PBK: variants seen among roughly 807,000 people sequenced by gnomAD.
PBK encodes PDZ binding kinase, also known as lymphokine-activated killer T-cell-originated protein kinase.
A neutral mutation model predicts 33.5 loss-of-function variants in PBK; 22 were observed. That is an observed-to-expected ratio of 0.66 (90% CI 0.47 to 0.94). PBK has a LOEUF of 0.94. PBK is among the 40% of genes least tolerant of loss of function. The pLI is 0.00. For missense variants in PBK, 376 were observed against 383.4 expected (o/e 0.98, Z 0.16); for synonymous variants, 129 against 123.8 (o/e 1.04, Z -0.28).
At chr8:27,813,598 ATATC>A (rs149760959) in intron 6 of PBK, among the ~76,000 whole-genome samples, 23,860 of 151,926 alleles carry the variant, frequency 0.16, 2,367 homozygotes, top group East Asian at 0.36. Context: ...GCTAATTAAC[ATATC>A]TATCACCTCA....
chr8:27,823,218 T>A lies in PBK; in HGVS notation c.153-13A>T, dbSNP rs377215670. On this transcript the variant is annotated splice_polypyrimidine_tract_variant and intron_variant, in intron 3 of 7. Coordinates refer to ENST00000301905, the MANE Select transcript of PBK (RefSeq NM_018492.4). ...ACCTCTTGGAGATCTAAGAAAAAAA[T>A]TCATTTAAAAAGGATAGAAAACAAT... 1 of 1,477,958 alleles carries A rather than the reference T, an allele frequency of 6.8e-7. No individual in the cohort carries two copies. Among genetic ancestry groups the A allele is most frequent in the South Asian group, 1.3e-5 (1 of 79,202 alleles). The allele number at this position is 1,477,958 out of a possible 1,614,324, so 91.6% of individuals were successfully genotyped here.
At chr8:27,820,758 C>T in intron 5 of PBK, 64 bp from the exon 6 acceptor site, 1 of 863,922 alleles carries the variant, frequency 1.2e-6, no homozygotes, top group Non-Finnish European at 1.8e-6. Flanking sequence ...AATGTGATAA[C>T]CTCCAAATAT....
chr8:27,832,939 G>C, intron 2 of PBK, 117 bp downstream of exon 2: 1 of 617,132 alleles, frequency 1.6e-6, no homozygotes, highest in Non-Finnish European at 2.8e-6. Context: ...ATCATAAAGG[G>C]GAGTTACATT....
intron 2 of PBK, 33 bp downstream of exon 2, chr8:27,833,023 G>C: frequency 8.1e-7 from 1 of 1,236,072 alleles, no homozygotes; most frequent in Non-Finnish European, 1.2e-6. Flanking sequence ...AACAACAATA[G>C]TAAAAAAAAA....
At chr8:27,811,720 T>A (rs1270717999) in intron 6 of PBK, among the ~76,000 whole-genome samples, 1 of 152,224 alleles carries the variant, frequency 6.6e-6, no homozygotes, top group African/African-American at 2.4e-5. Context: ...ACTAAATCTC[T>A]GGATCAATTT....
At chr8:27,831,112 G>T (rs995978224) in intron 2 of PBK, among the ~76,000 whole-genome samples, 5 of 152,128 alleles carry the variant, frequency 3.3e-5, no homozygotes, top group African/African-American at 1.2e-4. Flanking sequence ...CACTTGAAAG[G>T]GAGGCCAAGG....
At position 27,812,637 on chromosome 8, in the gene PBK, A is replaced by C. The variant is rs1230678426; in HGVS notation, c.596-1503T>G. The C allele has an allele frequency of 4.6e-5, 7 of 151,632 alleles. No individual in the cohort carries two copies. In the East Asian group the frequency reaches 8.0e-4, roughly 17 times the overall value. 9.4% of individuals were successfully genotyped at this position (151,632 alleles called of 1,614,324 possible). A position where few individuals can be genotyped will look rare whatever the true frequency, so the allele number is the denominator to read the frequency against. On this transcript the variant is annotated intron_variant, in intron 6 of 7. Coordinates refer to ENST00000301905, the MANE Select transcript of PBK (RefSeq NM_018492.4). ...ACAAATTTACAAGAAAAAAAAAAAA[A>C]AAAACATCAAAAAGTGGGCAAAGGA...
At chr8:27,819,614 G>C (rs1219663714) in intron 6 of PBK, among the ~76,000 whole-genome samples, 2 of 151,950 alleles carry the variant, frequency 1.3e-5, no homozygotes, top group African/African-American at 4.8e-5. Context: ...TTTTTTGTGT[G>C]ATCTAAGAAT....
At chr8:27,834,388 T>C (rs1449356746) in intron 1 of PBK, among the ~76,000 whole-genome samples, 1 of 152,156 alleles carries the variant, frequency 6.6e-6, no homozygotes, top group Non-Finnish European at 1.5e-5. Context: ...AATAGCTGAA[T>C]AGTTACTAAG....
intron 1 of PBK, among the ~76,000 whole-genome samples, chr8:27,833,438 G>A (rs895530717): frequency 1.3e-5 from 2 of 152,010 alleles, no homozygotes; most frequent in South Asian, 4.1e-4. Flanking sequence ...GAACCTGGGA[G>A]GCAGAGGTTG....
At position 27,823,112 on chromosome 8, in the gene PBK, T is replaced by TA; in HGVS notation, c.245dup (p.Met83AsnfsTer3). 6 of 1,590,056 alleles carry TA rather than the reference T, an allele frequency of 3.8e-6. No individual in the cohort carries two copies. Among genetic ancestry groups the TA allele is most frequent in the Non-Finnish European group, 5.2e-6 (6 of 1,160,078 alleles). The stretch of plus-strand genomic sequence containing the variant: ...TTTTCAAAATCTTAGCTTCATCCAT[T>TA]AGTCTCTTTTGATACACACTTCGAT... On this transcript the variant is annotated frameshift_variant, in exon 4 of 8. Transcript: ENST00000301905. LOFTEE classifies it high-confidence loss of function.
At position 27,810,425 on chromosome 8, in the gene PBK, C is replaced by CA. The variant is rs770504237; in HGVS notation, c.848dup (p.Met283IlefsTer6). The CA allele has an allele frequency of 8.1e-6, 13 of 1,607,096 alleles. No individual in the cohort carries two copies. The African/African-American group carries it at 1.5e-4, about 18-fold the overall frequency. Reference sequence around the variant, plus strand: ...TCTGGTATGATTCATCCAGTTCTTCCATATTAATAGGTGGCCTAGTTCCCA... The same window carrying CA: ...TCTGGTATGATTCATCCAGTTCTTCCAATATTAATAGGTGGCCTAGTTCCCA... On this transcript the variant is annotated frameshift_variant, in exon 8 of 8. Transcript: ENST00000301905. LOFTEE classifies it high-confidence loss of function.
At chr8:27,811,571 AAAAGGG>A (rs1805685000) in intron 6 of PBK, among the ~76,000 whole-genome samples, 1 of 146,956 alleles carries the variant, frequency 6.8e-6, no homozygotes, top group Admixed American at 6.6e-5. Context: ...TATGTCAAGG[AAAAGGG>A]AAAGGGACCA....
chr8:27,820,710 AT>A lies in PBK; in HGVS notation c.466-17del. On this transcript the variant is annotated splice_polypyrimidine_tract_variant and intron_variant, in intron 5 of 7. Transcript: ENST00000301905. ...GGTGCAGATACTAAAATAGTAAAAA[AT>A]TTAACACATATGTGCAGAAACACAA... 2 of 1,451,488 alleles carry A rather than the reference AT, an allele frequency of 1.4e-6. No homozygotes were observed. Among genetic ancestry groups the A allele is most frequent in the Non-Finnish European group, 1.9e-6 (2 of 1,062,652 alleles). The allele number at this position is 1,451,488 out of a possible 1,614,324, so 89.9% of individuals were successfully genotyped here. A position where few individuals can be genotyped will look rare whatever the true frequency, so the allele number is the denominator to read the frequency against.
intron 2 of PBK, among the ~76,000 whole-genome samples, chr8:27,831,678 C>T (rs1463738397): frequency 1.4e-5 from 2 of 147,224 alleles, no homozygotes; most frequent in Non-Finnish European, 2.9e-5. Flanking sequence ...AGAAAATATA[C>T]AATACTAGTA....
chr8:27,829,342 G>C (rs193294540), intron 2 of PBK, among the ~76,000 whole-genome samples: 2 of 152,276 alleles, frequency 1.3e-5, no homozygotes, highest in East Asian at 3.9e-4. Context: ...GTCACAACTA[G>C]ATAGTACAGC....
At chr8:27,818,049 A>G (rs67158751) in intron 6 of PBK, among the ~76,000 whole-genome samples, 23,949 of 152,126 alleles carry the variant, frequency 0.16, 2,396 homozygotes, top group East Asian at 0.36. Context: ...TACCACTCCA[A>G]TGCTTTTTCA....
At chr8:27,812,744 G>A (rs1805717838) in intron 6 of PBK, 1 of 151,906 alleles carries the variant, frequency 6.6e-6, no homozygotes, top group Admixed American at 6.6e-5. Flanking sequence ...GGTCATCAAA[G>A]AAATGCAAAT....
At chr8:27,825,153 C>G (rs1356480251) in intron 3 of PBK, among the ~76,000 whole-genome samples, 4 of 152,132 alleles carry the variant, frequency 2.6e-5, no homozygotes, top group South Asian at 2.1e-4. Flanking sequence ...TTAAAAAGCA[C>G]GTAGGCCTGG....
Sources: allele counts gnomAD v4.1 joint callset (sites outside exome capture counted in the v4.1 genomes callset), GRCh38; gene constraint gnomAD v4.1.1; transcripts MANE v1.5; gene names NCBI Gene and HGNC (gene_info 2026-07-23, HGNC 2026-07-21).